The following CERS6 variants were observed in gnomAD, a reference collection of about 807,000 sequenced individuals.
CERS6 encodes ceramide synthase 6.
CERS6 carries 26 observed loss-of-function variants against 56.8 expected under a neutral mutation model. The observed-to-expected ratio is 0.46, with a 90% CI of 0.34 to 0.63. The LOEUF (loss-of-function observed/expected upper bound fraction) is 0.63, where lower values mean the gene tolerates loss of function less well. Among genes scored for constraint, CERS6 ranks in the 30% least tolerant of loss-of-function variants. CERS6 has a pLI of 0.01. For synonymous variants in CERS6, 164 were observed against 173.3 expected, an observed-to-expected ratio of 0.95 and a Z score of 0.42; for missense variants, 415 against 467.5, an observed-to-expected ratio of 0.89 and a Z score of 1.04.
rs188031434 is a variant in CERS6 at position 168,654,135 on chromosome 2, G to C, written c.465+23093G>C. Among the ~76,000 whole-genome samples, 744 of 152,256 alleles carry C rather than the reference G, an allele frequency of 4.9e-3. 4 individuals carry two copies. The highest frequency in any genetic ancestry group is 0.017 in the Middle Eastern group (5 of 294). On this transcript the variant is annotated intron_variant, in intron 4 of 9. Transcript: ENST00000305747. The stretch of plus-strand genomic sequence containing the variant: ...TAAGTTGATATAGTAATATCCTATA[G>C]AATATTAGGTAAAATGATTTAGATT...
chr2:168,617,640 G>A (rs1684349817), intron 3 of CERS6, among the ~76,000 whole-genome samples: 1 of 152,104 alleles, frequency 6.6e-6, no homozygotes, highest in Non-Finnish European at 1.5e-5. Context: ...AGAGGAGATA[G>A]ATAAATTCCT....
rs763302178 is a variant in CERS6, at chr2:168,691,060, T to C, written c.492T>C (p.His164=). The C allele has an allele frequency of 3.1e-6, 5 of 1,613,460 alleles. No individual in the cohort carries two copies. In the East Asian group the frequency reaches 6.7e-5, roughly 22 times the overall value. The stretch of plus-strand genomic sequence containing the variant: ...CCCCCTGGTTGTGGAATACGAGGCA[T>C]TGCTGGTACAACTACCCCTATCAGG... ...KKTPWLWNTR[H]CWYNYPYQPL... Residue 164 remains histidine (H), a synonymous_variant, in exon 5 of 10, where the codon CAT becomes CAC. Transcript: ENST00000305747.
At chr2:168,520,941 T>A (rs1281513628) in intron 1 of CERS6, among the ~76,000 whole-genome samples, 1 of 152,078 alleles carries the variant, frequency 6.6e-6, no homozygotes, top group African/African-American at 2.4e-5. Flanking sequence ...GTAAATAAAT[T>A]TTGGAAAGAC....
intron 4 of CERS6, among the ~76,000 whole-genome samples, chr2:168,667,338 G>T (rs941102969): frequency 6.6e-6 from 1 of 152,184 alleles, no homozygotes; most frequent in Admixed American, 6.5e-5. Flanking sequence ...TGGCCATTGT[G>T]TTCTGGTGGC....
Position 168,456,689 on chromosome 2 carries a change from C to T in CERS6, c.170+71C>T. On this transcript the variant is annotated intron_variant, in intron 1 of 9. Coordinates refer to ENST00000305747, the MANE Select transcript of CERS6 (RefSeq NM_203463.3). This position sits in a 1 kb window ranked among gnomAD's most constrained non-coding sequence, Gnocchi z 4.1. ...ACGCGCGCACACACTCGCGCGCTCT[C>T]TGGCGCACGCCCCCGCGCCCCCAAC... 6.8e-7 allele frequency: 1 copy of T among 1,465,784 alleles called. No homozygotes were observed. Among genetic ancestry groups the T allele is most frequent in the African/African-American group, 1.4e-5 (1 of 71,036 alleles). 90.8% of individuals were successfully genotyped at this position (1,465,784 alleles called of 1,614,324 possible).
intron 2 of CERS6, among the ~76,000 whole-genome samples, chr2:168,549,901 G>A (rs1415918223): frequency 6.6e-6 from 1 of 151,758 alleles, no homozygotes. Flanking sequence ...GTGTGCGTTT[G>A]TGTGTGTGTG....
chr2:168,604,694 CCTCT>C (rs1035761154), intron 3 of CERS6, among the ~76,000 whole-genome samples: 1 of 151,028 alleles, frequency 6.6e-6, no homozygotes, highest in African/African-American at 2.4e-5. Context: ...TGGCACCTCC[CCTCT>C]CTCTCTCTCG....
intron 3 of CERS6, among the ~76,000 whole-genome samples, chr2:168,590,376 C>T (rs930752538): frequency 3.3e-5 from 5 of 151,972 alleles, no homozygotes; most frequent in African/African-American, 4.8e-5. Context: ...CAAATAAAAA[C>T]GATATTTGAA....
At chr2:168,737,337 C>T (rs141064647) in intron 8 of CERS6, among the ~76,000 whole-genome samples, 11 of 152,310 alleles carry the variant, frequency 7.2e-5, no homozygotes, top group East Asian at 5.8e-4. Context: ...CGCAGAAAGA[C>T]GCTTAGTCAC....
intron 3 of CERS6, among the ~76,000 whole-genome samples, chr2:168,611,029 G>A (rs546117317): frequency 1.7e-4 from 26 of 152,094 alleles, no homozygotes; most frequent in Non-Finnish European, 2.9e-4. Flanking sequence ...GGCTGGTCTC[G>A]AACTCCTGAC....
At chr2:168,636,065 G>T (rs1271136206) in intron 4 of CERS6, among the ~76,000 whole-genome samples, 1 of 152,052 alleles carries the variant, frequency 6.6e-6, no homozygotes, top group Non-Finnish European at 1.5e-5. Flanking sequence ...GGACTATGTT[G>T]CTGTTTAAGG....
At position 168,769,675 on chromosome 2, in the gene CERS6, A is replaced by G. The variant is rs1464620258; in HGVS notation, c.*13A>G. 1.9e-6 allele frequency: 3 copies of G among 1,609,586 alleles called. No homozygotes were observed. Among genetic ancestry groups the G allele is most frequent in the South Asian group, 2.2e-5 (2 of 89,668 alleles). On this transcript the variant is annotated 3_prime_UTR_variant, in exon 10 of 10. Transcript: ENST00000305747. ...CATGGATGATTAATTACTCAAAACT[A>G]CAAGTCCCAAGCAAAGTGAACTATT...
At chr2:168,475,472 T>C (rs956228271) in intron 1 of CERS6, among the ~76,000 whole-genome samples, 1 of 152,114 alleles carries the variant, frequency 6.6e-6, no homozygotes, top group Non-Finnish European at 1.5e-5. Context: ...TTTTTTCTCA[T>C]AAAAATGTAC....
chr2:168,603,214 A>G (rs1373701476), intron 3 of CERS6, among the ~76,000 whole-genome samples: 1 of 152,170 alleles, frequency 6.6e-6, no homozygotes, highest in Non-Finnish European at 1.5e-5. Context: ...TATATGCCCC[A>G]AGGCCTCATT....
chr2:168,457,194 A>G (rs1236503888), intron 1 of CERS6, among the ~76,000 whole-genome samples: 3 of 152,234 alleles, frequency 2.0e-5, no homozygotes, highest in Admixed American at 6.5e-5. Flanking sequence ...CCGTGAAACT[A>G]TCAGGCCCAC....
chr2:168,619,104 A>C (rs1684396688), intron 3 of CERS6, among the ~76,000 whole-genome samples: 2 of 152,160 alleles, frequency 1.3e-5, no homozygotes, highest in South Asian at 4.1e-4. Context: ...CAAAAACATA[A>C]AGTGGGGAAA....
chr2:168,660,194 T>C (rs940214941), intron 4 of CERS6, among the ~76,000 whole-genome samples: 1 of 152,244 alleles, frequency 6.6e-6, no homozygotes, highest in African/African-American at 2.4e-5. Flanking sequence ...TTGAGCTCTA[T>C]GGGCACTGCC....
At chr2:168,629,500 C>A (rs1458538146) in intron 3 of CERS6, among the ~76,000 whole-genome samples, 1 of 152,120 alleles carries the variant, frequency 6.6e-6, no homozygotes, top group Non-Finnish European at 1.5e-5. Flanking sequence ...GAACTGAGAT[C>A]AAAGGATATT....
intron 8 of CERS6, among the ~76,000 whole-genome samples, chr2:168,747,058 T>G (rs1270960871): frequency 1.3e-5 from 2 of 151,786 alleles, no homozygotes; most frequent in African/African-American, 4.8e-5. Flanking sequence ...AAATTGGAGA[T>G]TATACTGTAC....
Sources: allele counts gnomAD v4.1 joint callset (sites outside exome capture counted in the v4.1 genomes callset), GRCh38; gene constraint gnomAD v4.1.1; non-coding constraint Gnocchi (gnomAD v3.1); transcripts MANE v1.5; gene names NCBI Gene and HGNC (gene_info 2026-07-23, HGNC 2026-07-21).